The following DMBT1 variants were observed in gnomAD, a reference collection of about 807,000 sequenced individuals.
DMBT1 encodes deleted in malignant brain tumors 1.
Under a neutral mutation model 252.9 loss-of-function variants are expected in DMBT1, and 198 were observed. The observed-to-expected ratio is 0.78, with a 90% CI of 0.70 to 0.88. The LOEUF (loss-of-function observed/expected upper bound fraction) is 0.88. Among genes scored for constraint, DMBT1 ranks in the 40% least tolerant of loss-of-function variants. The pLI is 0.00. For missense variants in DMBT1, 2,432 were observed against 2,404.7 expected (o/e 1.01, Z -0.24); for synonymous variants, 990 against 942.7 (o/e 1.05, Z -0.92).
At chr10:122,633,022 C>A (rs1164907768) in intron 51 of DMBT1, 132 bp downstream of exon 51, 2 of 1,522,402 alleles carry the variant, frequency 1.3e-6, no homozygotes, top group Non-Finnish European at 1.8e-6. Context: ...AGTGCCCTGC[C>A]AGCCCTCAGT....
rs1481100599 is a variant in DMBT1 at position 122,617,214 on chromosome 10, G to T, written c.4859-14G>T. ...AAGTCTAATTCTGTCTTTTTTCTTT[G>T]TTGCTATTTACAGACACTTGGCCAA... On this transcript the variant is annotated splice_polypyrimidine_tract_variant and intron_variant, in intron 39 of 55. Transcript: ENST00000338354. 1 of 1,608,578 alleles carries T rather than the reference G, an allele frequency of 6.2e-7. No homozygotes were observed. The highest frequency in any genetic ancestry group is 1.1e-5 in the South Asian group (1 of 90,852).
chr10:122,592,660 T>C, intron 20 of DMBT1, 65 bp downstream of exon 20: 2 of 1,579,742 alleles, frequency 1.3e-6, no homozygotes, highest in Non-Finnish European at 8.6e-7. Context: ...AAAATCCTAA[T>C]TACATTCTGA....
chr10:122,600,824 G>C (rs551994727), intron 27 of DMBT1, among the ~76,000 whole-genome samples, 167 bp from the exon 28 acceptor site: 95 of 152,158 alleles, frequency 6.2e-4, no homozygotes, highest in Middle Eastern at 3.4e-3. Context: ...ACCTTTGTCC[G>C]TGGATGAGTT....
intron 6 of DMBT1, among the ~76,000 whole-genome samples, chr10:122,574,084 G>T (rs2097690482): frequency 6.6e-6 from 1 of 152,166 alleles, no homozygotes; most frequent in African/African-American, 2.4e-5. Context: ...GCCAGCCTAG[G>T]GTTCTGGATC....
rs1178466773 is a variant in DMBT1 at position 122,591,337 on chromosome 10, T to G, written c.2138-142T>G. 16 of 969,082 alleles carry G rather than the reference T, an allele frequency of 1.7e-5. 2 individuals carry two copies. The East Asian group carries it at 4.2e-4, about 25-fold the overall frequency. The allele number at this position is 969,082 out of a possible 1,614,324, so 60.0% of individuals were successfully genotyped here. On this transcript the variant is annotated intron_variant, in intron 18 of 55. Transcript: ENST00000338354. Reference sequence around the variant, plus strand: ...TGGCTGTGCTTCCTGAGCTACAGACTTGGGCAGACACATGGGGAGCAAGTG... The same window carrying G: ...TGGCTGTGCTTCCTGAGCTACAGACGTGGGCAGACACATGGGGAGCAAGTG...
intron 27 of DMBT1, 107 bp downstream of exon 27, chr10:122,600,200 A>G (rs1010169052): frequency 1.4e-6 from 2 of 1,440,728 alleles, no homozygotes; most frequent in Non-Finnish European, 1.9e-6. Context: ...ACTGTGGGGC[A>G]TATTATTTCT....
chr10:122,562,859 C>T (rs2097560287), intron 1 of DMBT1, among the ~76,000 whole-genome samples: 1 of 152,178 alleles, frequency 6.6e-6, no homozygotes, highest in Admixed American at 6.5e-5. Context: ...CAATTATTTC[C>T]ACATTTCAGA....
intron 25 of DMBT1, 94 bp downstream of exon 25, chr10:122,598,106 C>G: frequency 6.3e-7 from 1 of 1,576,368 alleles, no homozygotes; most frequent in Non-Finnish European, 8.7e-7. Flanking sequence ...AAGGTGGGCC[C>G]CTCTCTTTTT....
In DMBT1 at chr10:122,617,941, C is replaced by A. The variant is rs544456420; in HGVS notation, c.4892-76C>A. The A allele has an allele frequency of 2.1e-5, 34 of 1,592,488 alleles. 3 individuals are homozygous for A. In the East Asian group the frequency reaches 7.5e-4, roughly 35 times the overall value. ...AGGTGACTCTGGCCATTAGGAAGTA[C>A]CCTGAGTGTGGAACTTGCCTTAGAT... On this transcript the variant is annotated intron_variant, in intron 40 of 55. Coordinates refer to ENST00000338354, the MANE Select transcript of DMBT1 (RefSeq NM_001377530.1).
intron 25 of DMBT1, 87 bp downstream of exon 25, chr10:122,598,099 G>A: frequency 6.3e-7 from 1 of 1,588,046 alleles, no homozygotes; most frequent in Non-Finnish European, 8.6e-7. Flanking sequence ...GAGGGTCAAG[G>A]TGGGCCCCTC....
chr10:122,600,130 T>C lies in DMBT1; in HGVS notation c.3310+37T>C. 3 of 1,600,606 alleles carry C rather than the reference T, an allele frequency of 1.9e-6. 1 individual carries two copies. Among genetic ancestry groups the C allele is most frequent in the Non-Finnish European group, 2.6e-6 (3 of 1,173,874 alleles). ...GTGTCCTTCCTCAAAATGTCCCTTCTCTTTCTGCCCAATCACCCCTTCCAC... is the reference window on the plus strand; with the variant it reads ...GTGTCCTTCCTCAAAATGTCCCTTCCCTTTCTGCCCAATCACCCCTTCCAC... On this transcript the variant is annotated intron_variant, in intron 27 of 55. Transcript: ENST00000338354.
At chr10:122,572,014 C>T (rs751821361) in intron 4 of DMBT1, among the ~76,000 whole-genome samples, 2 of 152,168 alleles carry the variant, frequency 1.3e-5, no homozygotes, top group East Asian at 1.9e-4. Flanking sequence ...TGTCATTTGA[C>T]GTCCATTCTT....
intron 43 of DMBT1, among the ~76,000 whole-genome samples, chr10:122,620,740 G>T (rs913875055): frequency 2.0e-5 from 3 of 152,236 alleles, no homozygotes; most frequent in Admixed American, 2.0e-4. Flanking sequence ...GCAGGTCTTG[G>T]CCTCCTATCT....
chr10:122,578,879 G>A, intron 9 of DMBT1, 120 bp downstream of exon 9: 3 of 949,748 alleles, frequency 3.2e-6, no homozygotes, highest in South Asian at 1.5e-5. Flanking sequence ...AGCGTGGGAG[G>A]GTGGCAGCAG....
In DMBT1 at chr10:122,579,749, C is replaced by A; in HGVS notation, c.851C>A (p.Pro284Gln). The A allele has an allele frequency of 6.2e-7, 1 of 1,613,790 alleles. No individual in the cohort carries two copies. The highest frequency in any genetic ancestry group is 8.5e-7 in the Non-Finnish European group (1 of 1,179,774). ...GGCTGTGGCTGGGCCATGTCAGCCC[C>A]AGGAAATGCCCAGTTTGGCCAGGGC... ...QLGCGWAMSA[P>Q]GNAQFGQGSG... The change falls in exon 10 of 56, where the codon CCA (proline) becomes CAA (glutamine). Residue 284 changes from proline (P) to glutamine (Q), a missense_variant. Transcript: ENST00000338354.
chr10:122,570,962 T>A (rs1225007390), intron 4 of DMBT1, 25 bp downstream of exon 4: 1 of 1,609,440 alleles, frequency 6.2e-7, no homozygotes, highest in African/African-American at 1.3e-5. Context: ...GGGGGATCCC[T>A]GTGGGCTCAT....
chr10:122,581,548 T>C (rs1041701987), intron 11 of DMBT1, among the ~76,000 whole-genome samples: 3 of 148,424 alleles, frequency 2.0e-5, no homozygotes, highest in Non-Finnish European at 4.4e-5. Flanking sequence ...GGTGGGGGCA[T>C]CCTCTAACAG....
At chr10:122,632,823 C>G in intron 50 of DMBT1, 38 bp from the exon 51 acceptor site, 1 of 1,610,206 alleles carries the variant, frequency 6.2e-7, no homozygotes, top group Non-Finnish European at 8.5e-7. Flanking sequence ...GTCAGGGATG[C>G]CAGAAAACTG....
chr10:122,576,263 G>A (rs2097710949), intron 6 of DMBT1, 136 bp from the exon 7 acceptor site: 5 of 1,299,628 alleles, frequency 3.8e-6, no homozygotes, highest in Non-Finnish European at 5.2e-6. Context: ...CTAACCTTAA[G>A]GCCTGTTAAA....
Sources: gnomAD v4.1 joint callset for allele counts (sites outside exome capture counted in the v4.1 genomes callset) on GRCh38, gnomAD v4.1.1 for gene constraint, MANE v1.5 for transcripts, NCBI Gene and HGNC (gene_info 2026-07-23, HGNC 2026-07-21) for gene names.